RLIM: variants seen among roughly 807,000 people sequenced by gnomAD.
RLIM encodes E3 ubiquitin-protein ligase RLIM.
Under a neutral mutation model 34.0 loss-of-function variants are expected in RLIM, and 2 were observed. That is an observed-to-expected ratio of 0.06 (90% CI 0.02 to 0.19). The LOEUF (loss-of-function observed/expected upper bound fraction) is 0.19, where lower values mean the gene tolerates loss of function less well. Among genes scored for constraint, RLIM ranks in the 10% least tolerant of loss-of-function variants. The probability of loss-of-function intolerance (pLI) is 1.00; values close to 1 mark genes in which losing one functional copy is unlikely to be tolerated. For synonymous variants in RLIM, 169 were observed against 164.0 expected (o/e 1.03, Z -0.23); for missense variants, 286 against 479.7 (o/e 0.60, Z 3.77).
At chrX:74,593,163 C>T (rs766900491) in intron 3 of RLIM, 102 bp from the exon 4 acceptor site, 18 of 843,863 alleles carry the variant, frequency 2.1e-5, no homozygotes, top group Admixed American at 7.7e-5. Flanking sequence ...CTTAAAAATT[C>T]GGAACACATT....
chrX:74,607,163 A>C (rs2079685863), intron 1 of RLIM, among the ~76,000 whole-genome samples: 1 of 90,806 alleles, frequency 1.1e-5, no homozygotes, highest in Non-Finnish European at 2.1e-5. Flanking sequence ...ATATGGAAGA[A>C]ATTACCTCGT....
At position 74,595,912 on chromosome X, in the gene RLIM, C is replaced by G. The variant is rs75871009; in HGVS notation, c.66G>C (p.Gln22His). ...GDQSAAQRRS[Q>H]MDRLDREEAF... ...CTTCTTCTCGATCCAATCGGTCCAT[C>G]TGACTTCTGCGCTGTGCTGCAGACT... Residue 22 changes from glutamine (Q) to histidine (H), a missense_variant, in exon 2 of 4, where the codon CAG becomes CAC. Gln to His is a conservative substitution (Grantham distance 24, BLOSUM62 0). Transcript: ENST00000332687. 3.3e-6 allele frequency: 4 copies of G among 1,208,309 alleles called. No homozygotes were observed. The highest frequency in any genetic ancestry group is 4.5e-6 in the Non-Finnish European group (4 of 892,523).
At chrX:74,605,846 T>G (rs998086317) in intron 1 of RLIM, among the ~76,000 whole-genome samples, 2 of 111,366 alleles carry the variant, frequency 1.8e-5, no homozygotes, top group Non-Finnish European at 1.9e-5. Context: ...AATCACCACC[T>G]CTACAGGTGA....
At chrX:74,608,443 AAAG>A (rs1464303910) in intron 1 of RLIM, among the ~76,000 whole-genome samples, 2 of 110,282 alleles carry the variant, frequency 1.8e-5, no homozygotes, top group East Asian at 5.6e-4. Context: ...AAAAAAAAAA[AAAG>A]AACAGGCAGG....
At chrX:74,599,609 T>C (rs1016027456) in intron 1 of RLIM, among the ~76,000 whole-genome samples, 3 of 111,390 alleles carry the variant, frequency 2.7e-5, no homozygotes, top group Non-Finnish European at 3.8e-5. Context: ...AGTTCCTTTG[T>C]CCTTTTGCCA....
rs1470679714 is a variant in RLIM at position 74,591,966 on chromosome X, C to T, written c.1349G>A (p.Gly450Asp). 8.3e-7 allele frequency: 1 copy of T among 1,209,855 alleles called. No individual in the cohort carries two copies. Among genetic ancestry groups the T allele is most frequent in the Admixed American group, 2.2e-5 (1 of 45,695 alleles). ...AESRSGRGGS[G>D]GGSSSGSSSS... Reference sequence around the variant, plus strand: ...ACTGGAACCAGAACTACTACCACCACCAGAACCTCCTCTTCCACTCCGTGA... The same window carrying T: ...ACTGGAACCAGAACTACTACCACCATCAGAACCTCCTCTTCCACTCCGTGA... The change falls in exon 4 of 4, where the codon GGT becomes GAT. Residue 450 changes from glycine to aspartate, a missense_variant. Physicochemically the swap from Gly to Asp is moderately conservative, Grantham distance 94. Around this residue, in one of 6 missense-constraint regions of RLIM, gnomAD observed 69 missense variants for 83.5 expected, o/e 0.83. Transcript: ENST00000332687.
rs1287372948 is a variant in RLIM at position 74,589,378 on chromosome X, CCTGA to C, written c.*2058_*2061del. ...AGGAGGCTCACAAATATAAAGGAAT[CCTGA>C]CTTTTACACGGACAAATTTTTAAAA... On this transcript the variant is annotated 3_prime_UTR_variant, in exon 4 of 4. Transcript: ENST00000332687. 9.0e-6 allele frequency: 1 copy of C among 111,243 alleles called. No homozygotes were observed. The highest frequency in any genetic ancestry group is 1.9e-5 in the Non-Finnish European group (1 of 53,016). The allele number at this position is 111,243 out of a possible 1,213,427, so 9.2% of individuals were successfully genotyped here.
intron 2 of RLIM, among the ~76,000 whole-genome samples, chrX:74,595,352 C>T (rs1212641366): frequency 8.9e-6 from 1 of 112,079 alleles, no homozygotes; most frequent in African/African-American, 3.2e-5. Context: ...TCAAATGGGA[C>T]TTAGTGGGGT....
intron 1 of RLIM, among the ~76,000 whole-genome samples, chrX:74,612,120 ATCATG>A (rs1249512521): frequency 8.9e-6 from 1 of 112,332 alleles, no homozygotes; most frequent in Non-Finnish European, 1.9e-5. Flanking sequence ...AATTAAAAGT[ATCATG>A]TATCAATTAT....
Position 74,591,629 on chromosome X carries a change from A to G in RLIM, c.1686T>C (p.Gly562=). 8.3e-7 allele frequency: 1 copy of G among 1,211,607 alleles called. No homozygotes were observed. ...TACAGGTTTTTAATGCATCATTTTC[A>G]CCAAAACTTCTCATTGCCAAGTTGT... ...QIDNLAMRSF[G]ENDALKTCSV... The change falls in exon 4 of 4, where the codon GGT becomes GGC. Residue 562 remains glycine (G), a synonymous_variant. Transcript: ENST00000332687.
rs1169273208 is a variant in RLIM at position 74,594,897 on chromosome X, TA to T, written c.170-509del. 6.6e-3 allele frequency among the ~76,000 whole-genome samples: 395 copies of T among 59,702 alleles called. 2 individuals carry two copies. Among genetic ancestry groups the T allele is most frequent in the Middle Eastern group, 0.032 (3 of 95 alleles). 51.8% of individuals were successfully genotyped at this position (59,702 alleles called of 115,157 possible). A position where few individuals can be genotyped will look rare whatever the true frequency, so the allele number is the denominator to read the frequency against. The stretch of plus-strand genomic sequence containing the variant: ...CTGGGCGAAAGTGCAAGACTCTGCT[TA>T]AAAAAAAAAAAAAAAAAAAAAAGGC... On this transcript the variant is annotated intron_variant, in intron 2 of 3. Transcript: ENST00000332687.
intron 1 of RLIM, among the ~76,000 whole-genome samples, chrX:74,609,487 CAAAAAAA>C (rs752008137): frequency 3.7e-3 from 121 of 32,799 alleles, no homozygotes; most frequent in South Asian, 0.012. Flanking sequence ...GACTCCGTTT[CAAAAAAA>C]AAAAAAAAAA....
rs1256772140 is a variant in RLIM at position 74,592,539 on chromosome X, G to A, written c.776C>T (p.Thr259Met). Residue 259 changes from threonine to methionine, a missense_variant, in exon 4 of 4, where the codon ACG (threonine) becomes ATG (methionine). Around this residue, in one of 6 missense-constraint regions of RLIM, gnomAD observed 121 missense variants for 182.4 expected, o/e 0.66. Transcript: ENST00000332687. Reference protein sequence around the residue: ...QTFEHPLVNETEGSSRTRHHV... With the variant: ...QTFEHPLVNEMEGSSRTRHHV... ...GTGCCGGGTTCTAGAACTTCCCTCCGTCTCATTTACCAAAGGATGTTCAAA... is the reference window on the plus strand; with the variant it reads ...GTGCCGGGTTCTAGAACTTCCCTCCATCTCATTTACCAAAGGATGTTCAAA... 2.4e-5 allele frequency: 29 copies of A among 1,209,816 alleles called. No homozygotes were observed. The highest frequency in any genetic ancestry group is 5.2e-5 in the African/African-American group (3 of 57,149).
At position 74,586,299 on chromosome X, in the gene RLIM, C is replaced by T. The variant is rs2079586818; in HGVS notation, c.*5141G>A. 1 of 111,578 alleles carries T rather than the reference C, an allele frequency of 9.0e-6. No individual in the cohort carries two copies. Among genetic ancestry groups the T allele is most frequent in the Admixed American group, 9.6e-5 (1 of 10,437 alleles). The allele number at this position is 111,578 out of a possible 1,213,427, so 9.2% of individuals were successfully genotyped here. On this transcript the variant is annotated 3_prime_UTR_variant, in exon 4 of 4. Coordinates refer to ENST00000332687, the MANE Select transcript of RLIM (RefSeq NM_016120.4). ...AGGCTGGACAGCTGGTTCAACCATA[C>T]CTTGGTATTGAAATAATTCTGCAAG...
Position 74,595,934 on chromosome X carries a change from G to C in RLIM, c.44C>G (p.Ser15Cys). Residue 15 changes from serine (S) to cysteine (C), a missense_variant, in exon 2 of 4, where the codon TCT becomes TGT. By Grantham distance (112) the Ser-to-Cys change is moderately radical. Around this residue, in one of 6 missense-constraint regions of RLIM, gnomAD observed 62 missense variants for 71.3 expected, o/e 0.87. Transcript: ENST00000332687. ...CATCTGACTTCTGCGCTGTGCTGCA[G>C]ACTGATCACCACTTCCTTTGTCATT... ...DSNDKGSGDQ[S>C]AAQRRSQMDR... 8.3e-7 allele frequency: 1 copy of C among 1,200,763 alleles called. No homozygotes were observed. Among genetic ancestry groups the C allele is most frequent in the Non-Finnish European group, 1.1e-6 (1 of 890,587 alleles).
At chrX:74,608,395 T>C (rs1187243635) in intron 1 of RLIM, among the ~76,000 whole-genome samples, 4 of 107,762 alleles carry the variant, frequency 3.7e-5, no homozygotes, top group Non-Finnish European at 7.7e-5. Flanking sequence ...ACTCACGCAG[T>C]TATCTTTTTG....
chrX:74,588,971 C>T lies in RLIM; in HGVS notation c.*2469G>A, dbSNP rs1023579866. On this transcript the variant is annotated 3_prime_UTR_variant, in exon 4 of 4. Coordinates refer to ENST00000332687, the MANE Select transcript of RLIM (RefSeq NM_016120.4). ...CATTCTATACAATCGAATGGAAATCCGTGAGTGCTACTGAAAAAGGTGTTC... is the reference window on the plus strand; with the variant it reads ...CATTCTATACAATCGAATGGAAATCTGTGAGTGCTACTGAAAAAGGTGTTC... 7 of 111,859 alleles carry T rather than the reference C, an allele frequency of 6.3e-5. No homozygotes were observed. The highest frequency in any genetic ancestry group is 7.4e-4 in the South Asian group (2 of 2,713). 9.2% of individuals were successfully genotyped at this position (111,859 alleles called of 1,213,427 possible). A position where few individuals can be genotyped will look rare whatever the true frequency, so the allele number is the denominator to read the frequency against.
rs2079680829 is a variant in RLIM, at chrX:74,606,043, G to C, written c.-24+8379C>G. ...CACATTCCTTCCTTCAATCCCAATA[G>C]GTATGACTAAACTATTCAATCTATG... On this transcript the variant is annotated intron_variant, in intron 1 of 3. Transcript: ENST00000332687. Among the ~76,000 whole-genome samples the C allele has an allele frequency of 3.6e-5, 4 of 111,771 alleles. No homozygotes were observed. In the South Asian group the frequency reaches 1.5e-3, roughly 41 times the overall value.
At chrX:74,612,460 C>T (rs1161100006) in intron 1 of RLIM, 1 of 111,287 alleles carries the variant, frequency 9.0e-6, no homozygotes, top group East Asian at 2.8e-4. Context: ...GAATACCCAA[C>T]ACCATCTAAC....
Sources: allele counts gnomAD v4.1 joint callset (sites outside exome capture counted in the v4.1 genomes callset), GRCh38; gene constraint gnomAD v4.1.1; regional missense constraint gnomAD v4.1.1; transcripts MANE v1.5; gene names NCBI Gene and HGNC (gene_info 2026-07-23, HGNC 2026-07-21).